ZSCAN25: variants seen among roughly 807,000 people sequenced by gnomAD.
ZSCAN25 encodes zinc finger and SCAN domain containing 25.
Under a neutral mutation model 38.7 loss-of-function variants are expected in ZSCAN25, and 27 were observed. That is an observed-to-expected ratio of 0.70 (90% CI 0.51 to 0.96). The LOEUF is 0.96. Among genes scored for constraint, ZSCAN25 ranks in the 40% least tolerant of loss-of-function variants. ZSCAN25 has a pLI of 0.00. For missense variants in ZSCAN25, 637 were observed against 705.9 expected, an observed-to-expected ratio of 0.90 and a Z score of 1.11; for synonymous variants, 273 against 277.7, an observed-to-expected ratio of 0.98 and a Z score of 0.17.
At chr7:99,646,594 C>T in the ZSCAN25 span, among the ~76,000 whole-genome samples, 1 of 152,150 alleles carries the variant, frequency 6.6e-6, no homozygotes, top group Non-Finnish European at 1.5e-5. Flanking sequence ...TGTTTTCTTA[C>T]TTCCTGGCAC....
At chr7:99,713,490 T>C in the ZSCAN25 span, 1 of 1,613,462 alleles carries the variant, frequency 6.2e-7, no homozygotes, top group Non-Finnish European at 8.5e-7. Context: ...TCAGAGTCTT[T>C]TGAATTCTGA....
chr7:99,674,075 T>TA, the ZSCAN25 span, among the ~76,000 whole-genome samples: 2 of 152,216 alleles, frequency 1.3e-5, no homozygotes, highest in Non-Finnish European at 2.9e-5. Context: ...AGAGGATTCT[T>TA]ATGCTTGTGT....
chr7:99,722,036 C>T, the ZSCAN25 span, among the ~76,000 whole-genome samples: 1 of 152,204 alleles, frequency 6.6e-6, no homozygotes, highest in East Asian at 1.9e-4. Flanking sequence ...CACATGAAGT[C>T]CTCCTCATAT....
the ZSCAN25 span, chr7:99,648,067 C>A: frequency 8.9e-7 from 1 of 1,122,842 alleles, no homozygotes. Flanking sequence ...CTATGAGAAG[C>A]AGAGAAGCTG....
At chr7:99,667,015 A>C in the ZSCAN25 span, 2 of 1,614,088 alleles carry the variant, frequency 1.2e-6, no homozygotes, top group Non-Finnish European at 1.7e-6. Flanking sequence ...TCCATTCTTC[A>C]TCCTCAGCTA....
At chr7:99,674,576 T>G in the ZSCAN25 span, 1 of 1,613,670 alleles carries the variant, frequency 6.2e-7, no homozygotes, top group Non-Finnish European at 8.5e-7. Flanking sequence ...GTGTCAAATT[T>G]CCAGAGACCC....
the ZSCAN25 span, among the ~76,000 whole-genome samples, chr7:99,719,513 CT>C: frequency 6.6e-6 from 1 of 152,088 alleles, no homozygotes; most frequent in Non-Finnish European, 1.5e-5. Flanking sequence ...AAGCATTAAA[CT>C]TTATGACTTT....
At chr7:99,714,716 C>T in the ZSCAN25 span, 1 of 1,602,458 alleles carries the variant, frequency 6.2e-7, no homozygotes, top group East Asian at 2.2e-5. Flanking sequence ...AAAACGAAAC[C>T]ATTGTGAACA....
chr7:99,734,875 C>T, the ZSCAN25 span: 9 of 1,206,788 alleles, frequency 7.5e-6, no homozygotes, highest in Non-Finnish European at 1.1e-5. Flanking sequence ...ACCTGCTCAG[C>T]ATCCCAAAGT....
At chr7:99,642,803 T>C in the ZSCAN25 span, among the ~76,000 whole-genome samples, 1 of 152,210 alleles carries the variant, frequency 6.6e-6, no homozygotes, top group African/African-American at 2.4e-5. Context: ...CTTTGCTTTT[T>C]TTGCTGATAT....
chr7:99,686,754 C>CG, the ZSCAN25 span, among the ~76,000 whole-genome samples: 426 of 151,836 alleles, frequency 2.8e-3, 2 homozygotes, highest in African/African-American at 9.9e-3. Context: ...GGAGGCACCC[C>CG]CCCCCCAGTA....
At chr7:99,718,123 G>C in the ZSCAN25 span, among the ~76,000 whole-genome samples, 1 of 152,132 alleles carries the variant, frequency 6.6e-6, no homozygotes, top group South Asian at 2.1e-4. Flanking sequence ...GGCCTGTTGT[G>C]GGGTGGGGAG....
At chr7:99,705,611 G>A in the ZSCAN25 span, 45 of 1,611,920 alleles carry the variant, frequency 2.8e-5, no homozygotes, top group Non-Finnish European at 3.5e-5. Context: ...ACAGTTAAAC[G>A]AGCATATTGA....
the ZSCAN25 span, among the ~76,000 whole-genome samples, chr7:99,714,896 C>G: frequency 6.6e-6 from 1 of 152,162 alleles, no homozygotes; most frequent in Non-Finnish European, 1.5e-5. Flanking sequence ...GCAGTGAGAT[C>G]AGCAGCCCCT....
At chr7:99,649,373 C>T in the ZSCAN25 span, among the ~76,000 whole-genome samples, 1 of 152,142 alleles carries the variant, frequency 6.6e-6, no homozygotes, top group Non-Finnish European at 1.5e-5. Context: ...TAGGCTATTG[C>T]TTAATATGAA....
chr7:99,664,203 T>G, the ZSCAN25 span: 2 of 972,952 alleles, frequency 2.1e-6, no homozygotes, highest in African/African-American at 3.3e-5. Flanking sequence ...ATCATGATTC[T>G]CAACTGGAAC....
chr7:99,638,369 G>A, the ZSCAN25 span: 5 of 1,601,522 alleles, frequency 3.1e-6, no homozygotes, highest in Non-Finnish European at 4.3e-6. Context: ...CCTGGATCTT[G>A]TGGGGTTTCA....
At chr7:99,672,998 G>T in the ZSCAN25 span, 1 of 600,746 alleles carries the variant, frequency 1.7e-6, no homozygotes, top group Non-Finnish European at 2.2e-6. Context: ...TACATACGTG[G>T]GTATCTCCTA....
the ZSCAN25 span, among the ~76,000 whole-genome samples, chr7:99,688,485 G>T: frequency 6.6e-6 from 1 of 152,230 alleles, no homozygotes; most frequent in Admixed American, 6.5e-5. Flanking sequence ...TCCTAAATAT[G>T]TATGCACCCA....
Sources: allele counts gnomAD v4.1 joint callset (sites outside exome capture counted in the v4.1 genomes callset), GRCh38; gene constraint gnomAD v4.1.1; transcripts MANE v1.5; gene names NCBI Gene and HGNC (gene_info 2026-07-23, HGNC 2026-07-21).